The following CPNE8 variants were observed in gnomAD, a reference collection of about 807,000 sequenced individuals.
The protein encoded by CPNE8 is copine 8.
In CPNE8, 45 loss-of-function variants were observed where a neutral mutation model predicts 81.5. The ratio of observed to expected loss-of-function variants is 0.55; its 90% confidence interval spans 0.44 to 0.71. The LOEUF (loss-of-function observed/expected upper bound fraction) is 0.71, where lower values mean the gene tolerates loss of function less well. CPNE8 is among the 30% of genes least tolerant of loss of function. CPNE8 has a pLI of 0.00. For missense variants in CPNE8, 594 were observed against 672.1 expected (o/e 0.88, Z 1.28); for synonymous variants, 252 against 226.3 (o/e 1.11, Z -1.02).
chr12:38,713,383 GA>G, intron 13 of CPNE8, among the ~76,000 whole-genome samples: 1 of 152,206 alleles, frequency 6.6e-6, no homozygotes, highest in Non-Finnish European at 1.5e-5. Context: ...CTACAACGAA[GA>G]TATAGAGTTC....
intron 6 of CPNE8, among the ~76,000 whole-genome samples, chr12:38,784,195 T>A (rs1314928640): frequency 6.6e-6 from 1 of 152,134 alleles, no homozygotes; most frequent in Non-Finnish European, 1.5e-5. Flanking sequence ...CAAACAAAAA[T>A]TCTGGAGCTA....
chr12:38,691,349 T>TGTGTCAGC (rs1220817930), intron 15 of CPNE8, among the ~76,000 whole-genome samples: 1 of 152,170 alleles, frequency 6.6e-6, no homozygotes, highest in African/African-American at 2.4e-5. Context: ...AGCAGTGCAA[T>TGTGTCAGC]GTGTCAGCAT....
At chr12:38,785,641 C>T (rs899337834) in intron 6 of CPNE8, among the ~76,000 whole-genome samples, 8 of 152,166 alleles carry the variant, frequency 5.3e-5, no homozygotes, top group Non-Finnish European at 1.0e-4. Flanking sequence ...CCACGTGGAA[C>T]TATGAGTCAA....
At chr12:38,872,043 G>A (rs998419780) in intron 3 of CPNE8, among the ~76,000 whole-genome samples, 1 of 152,122 alleles carries the variant, frequency 6.6e-6, no homozygotes, top group Non-Finnish European at 1.5e-5. Context: ...GCTGAGGCAG[G>A]AGAATCGCTT....
chr12:38,901,786 G>A (rs1306415019), intron 1 of CPNE8, among the ~76,000 whole-genome samples: 2 of 151,980 alleles, frequency 1.3e-5, no homozygotes, highest in Non-Finnish European at 2.9e-5. Context: ...GCTTGTCTCT[G>A]CCCAAGCCCC....
chr12:38,821,809 T>G (rs1943114211), intron 6 of CPNE8, among the ~76,000 whole-genome samples: 1 of 152,144 alleles, frequency 6.6e-6, no homozygotes, highest in South Asian at 2.1e-4. Flanking sequence ...TCCCTGGAGA[T>G]CATTCCAGAG....
At chr12:38,881,671 G>C (rs185751676) in intron 1 of CPNE8, among the ~76,000 whole-genome samples, 1 of 152,114 alleles carries the variant, frequency 6.6e-6, no homozygotes, top group Non-Finnish European at 1.5e-5. Context: ...TTTTATATTC[G>C]TTCTGAAGCA....
At chr12:38,775,445 C>G (rs757895221) in intron 7 of CPNE8, among the ~76,000 whole-genome samples, 1 of 152,120 alleles carries the variant, frequency 6.6e-6, no homozygotes, top group Non-Finnish European at 1.5e-5. Context: ...TTCCTACAAT[C>G]AAGCAGCAAC....
intron 5 of CPNE8, among the ~76,000 whole-genome samples, chr12:38,834,551 C>A (rs1012424098): frequency 5.3e-5 from 8 of 152,196 alleles, no homozygotes; most frequent in Admixed American, 5.2e-4. Flanking sequence ...CTTACCACTT[C>A]AATGGTTTTT....
chr12:38,768,523 GT>G (rs1230416799), intron 7 of CPNE8, among the ~76,000 whole-genome samples: 1 of 151,454 alleles, frequency 6.6e-6, no homozygotes, highest in East Asian at 1.9e-4. Context: ...TGTTGTTTTT[GT>G]TTTTGTTTCT....
intron 6 of CPNE8, among the ~76,000 whole-genome samples, chr12:38,814,096 A>G (rs1337338385): frequency 5.3e-5 from 8 of 152,028 alleles, no homozygotes; most frequent in Non-Finnish European, 1.2e-4. Flanking sequence ...ATGAGGTAGA[A>G]GCAGAACTGT....
chr12:38,825,795 G>T (rs1205462286), intron 6 of CPNE8, among the ~76,000 whole-genome samples: 1 of 152,122 alleles, frequency 6.6e-6, no homozygotes, highest in Non-Finnish European at 1.5e-5. Context: ...CCAGTCCATT[G>T]TTCACCTGCG....
intron 6 of CPNE8, among the ~76,000 whole-genome samples, chr12:38,823,996 C>G (rs1044076141): frequency 6.6e-6 from 1 of 152,084 alleles, no homozygotes; most frequent in Non-Finnish European, 1.5e-5. Flanking sequence ...TTAAGTAGCA[C>G]AAGACTCATT....
At chr12:38,893,430 C>G (rs1429850284) in intron 1 of CPNE8, among the ~76,000 whole-genome samples, 3 of 130,488 alleles carry the variant, frequency 2.3e-5, no homozygotes, top group Non-Finnish European at 5.1e-5. Flanking sequence ...AGCGCCATCA[C>G]AGTTTACAAA....
intron 1 of CPNE8, among the ~76,000 whole-genome samples, chr12:38,889,008 G>A (rs191439966): frequency 6.6e-6 from 1 of 152,162 alleles, no homozygotes. Context: ...CACTGGACTA[G>A]AAGCTAAGTG....
rs190485804 is a variant in CPNE8, at chr12:38,884,712, T to A, written c.99-10201A>T. On this transcript the variant is annotated intron_variant, in intron 1 of 19. Transcript: ENST00000331366. ...CAATGTTATTGTCAGTCTTTTTTTTTATAATTGTATAGTGGTATGAAGTAG... is the reference window on the plus strand; with the variant it reads ...CAATGTTATTGTCAGTCTTTTTTTTAATAATTGTATAGTGGTATGAAGTAG... Among the ~76,000 whole-genome samples, 305 of 152,330 alleles carry A rather than the reference T, an allele frequency of 2.0e-3. 2 individuals carry two copies. Among genetic ancestry groups the A allele is most frequent in the African/African-American group, 7.0e-3 (292 of 41,560 alleles).
At chr12:38,873,825 C>A (rs558695798) in intron 2 of CPNE8, among the ~76,000 whole-genome samples, 3 of 152,146 alleles carry the variant, frequency 2.0e-5, no homozygotes, top group Non-Finnish European at 4.4e-5. Context: ...TTCAAACTAC[C>A]CTTCTCACTT....
chr12:38,855,565 C>T (rs1167047163), intron 3 of CPNE8, among the ~76,000 whole-genome samples: 1 of 151,994 alleles, frequency 6.6e-6, no homozygotes, highest in African/African-American at 2.4e-5. Flanking sequence ...GAAATAAATC[C>T]ATGCACAACA....
chr12:38,817,321 A>G (rs1943041953), intron 6 of CPNE8, among the ~76,000 whole-genome samples: 7 of 152,220 alleles, frequency 4.6e-5, no homozygotes, highest in Admixed American at 4.6e-4. Flanking sequence ...TTATTTTTTA[A>G]TCCTTCCAAT....
Sources: allele counts gnomAD v4.1 joint callset (sites outside exome capture counted in the v4.1 genomes callset), GRCh38; gene constraint gnomAD v4.1.1; transcripts MANE v1.5; gene names NCBI Gene and HGNC (gene_info 2026-07-23, HGNC 2026-07-21).